The following ARID2 variants were observed in gnomAD, a reference collection of about 807,000 sequenced individuals.
The protein encoded by ARID2 is AT-rich interactive domain-containing protein 2.
Under a neutral mutation model 184.6 loss-of-function variants are expected in ARID2, and 32 were observed. The ratio of observed to expected loss-of-function variants is 0.17; its 90% confidence interval spans 0.13 to 0.23. The LOEUF is 0.23. Among genes scored for constraint, ARID2 ranks in the 10% least tolerant of loss-of-function variants. The pLI, the probability that ARID2 is intolerant of heterozygous loss-of-function variation, is 1.00. For synonymous variants in ARID2, 836 were observed against 772.6 expected, an observed-to-expected ratio of 1.08 and a Z score of -1.36; for missense variants, 1,696 against 2,197.6, an observed-to-expected ratio of 0.77 and a Z score of 4.56.
intron 3 of ARID2, among the ~76,000 whole-genome samples, chr12:45,777,182 A>G (rs1441096504): frequency 6.6e-6 from 1 of 152,046 alleles, no homozygotes; most frequent in Non-Finnish European, 1.5e-5. Flanking sequence ...AAGAGGTAGT[A>G]TGCTGAAAAC....
At chr12:45,755,194 C>T (rs1941544151) in intron 3 of ARID2, among the ~76,000 whole-genome samples, 1 of 152,120 alleles carries the variant, frequency 6.6e-6, no homozygotes, top group Non-Finnish European at 1.5e-5. Flanking sequence ...CTTTATTCTG[C>T]ATATAGTGAG....
At chr12:45,873,898 A>C (rs1045223503) in intron 16 of ARID2, 1 of 152,198 alleles carries the variant, frequency 6.6e-6, no homozygotes, top group African/African-American at 2.4e-5. Flanking sequence ...AGGTTGGGGT[A>C]GTCATGTCAA....
rs1447362117 is a variant in ARID2, at chr12:45,906,315, C to T, written c.*1237C>T. Reference sequence around the variant, plus strand: ...ACCACATTCCTGCTCAGAAACTGCTCACTTCCTTAAATTGTCTTTTTTCCC... The same window carrying T: ...ACCACATTCCTGCTCAGAAACTGCTTACTTCCTTAAATTGTCTTTTTTCCC... On this transcript the variant is annotated 3_prime_UTR_variant, in exon 21 of 21. Transcript: ENST00000334344. 2 of 233,088 alleles carry T rather than the reference C, an allele frequency of 8.6e-6. No homozygotes were observed. The highest frequency in any genetic ancestry group is 1.7e-5 in the Non-Finnish European group (2 of 117,846). The allele number at this position is 233,088 out of a possible 1,614,324, so 14.4% of individuals were successfully genotyped here.
intron 15 of ARID2, among the ~76,000 whole-genome samples, chr12:45,859,281 T>G (rs1487138363): frequency 6.6e-6 from 1 of 152,220 alleles, no homozygotes; most frequent in Non-Finnish European, 1.5e-5. Context: ...CCTATAGTAT[T>G]CGGTACAGTA....
chr12:45,737,988 A>C (rs1941163358), intron 3 of ARID2, among the ~76,000 whole-genome samples: 1 of 152,168 alleles, frequency 6.6e-6, no homozygotes, highest in Non-Finnish European at 1.5e-5. Flanking sequence ...ACTTATCCTA[A>C]GTGTGTTTAT....
At chr12:45,741,882 GA>G (rs1314146174) in intron 3 of ARID2, among the ~76,000 whole-genome samples, 3 of 152,108 alleles carry the variant, frequency 2.0e-5, no homozygotes, top group Non-Finnish European at 2.9e-5. Context: ...CAGAACTGGG[GA>G]AAAAATTATT....
rs200266987 is a variant in ARID2 at position 45,893,630 on chromosome 12, G to A, written c.5272G>A (p.Asp1758Asn). ...TTCTTTTTTTTCCTTTCTTTTTAAG[G>A]ATGAAAAAGAGGGACCAATAACTAA... ...SRNLVFRDFTDEKEGPITKHI... is the reference protein window; with the variant it reads ...SRNLVFRDFTNEKEGPITKHI... Residue 1758 changes from aspartate to asparagine, a missense_variant and splice_region_variant, in exon 20 of 21, where the codon GAT becomes AAT. Around this residue, in one of 11 missense-constraint regions of ARID2, gnomAD observed 69 missense variants for 118.2 expected, o/e 0.58. Coordinates refer to ENST00000334344, the MANE Select transcript of ARID2 (RefSeq NM_152641.4). 88 of 1,600,886 alleles carry A rather than the reference G, an allele frequency of 5.5e-5. No homozygotes were observed. The highest frequency in any genetic ancestry group is 6.9e-5 in the Non-Finnish European group (81 of 1,176,530).
chr12:45,864,904 A>G (rs1325494351), intron 16 of ARID2, among the ~76,000 whole-genome samples: 2 of 152,198 alleles, frequency 1.3e-5, no homozygotes, highest in Non-Finnish European at 2.9e-5. Flanking sequence ...AGTTTTCAAA[A>G]TAATGAGTTG....
At chr12:45,768,802 A>G (rs1393908907) in intron 3 of ARID2, among the ~76,000 whole-genome samples, 3 of 152,166 alleles carry the variant, frequency 2.0e-5, no homozygotes, top group African/African-American at 4.8e-5. Context: ...GTTTTGATTG[A>G]CCTGTGAAGC....
chr12:45,804,862 C>A (rs1942572164), intron 3 of ARID2, among the ~76,000 whole-genome samples: 1 of 152,038 alleles, frequency 6.6e-6, no homozygotes, highest in Non-Finnish European at 1.5e-5. Flanking sequence ...TTGTCACTTA[C>A]TACATACTTG....
chr12:45,752,671 C>A (rs530234213), intron 3 of ARID2, among the ~76,000 whole-genome samples: 9 of 152,304 alleles, frequency 5.9e-5, no homozygotes, highest in Admixed American at 5.2e-4. Flanking sequence ...CAGACTCATA[C>A]CACCACACCC....
At chr12:45,857,609 T>C (rs1014048958) in intron 15 of ARID2, among the ~76,000 whole-genome samples, 5 of 152,310 alleles carry the variant, frequency 3.3e-5, no homozygotes, top group Middle Eastern at 3.4e-3. Context: ...GTCTCTGATA[T>C]TATATCTTGG....
intron 3 of ARID2, among the ~76,000 whole-genome samples, chr12:45,792,721 G>A (rs1192015961): frequency 6.6e-6 from 1 of 152,040 alleles, no homozygotes; most frequent in African/African-American, 2.4e-5. Context: ...TAGGTCAAAG[G>A]TGAAATGATA....
In ARID2 at chr12:45,799,993, G is replaced by C. The variant is rs547594311; in HGVS notation, c.285-11425G>C. Among the ~76,000 whole-genome samples the C allele has an allele frequency of 1.5e-4, 23 of 152,174 alleles. No homozygotes were observed. In the South Asian group the frequency reaches 4.8e-3, roughly 32 times the overall value. On this transcript the variant is annotated intron_variant, in intron 3 of 20. Coordinates refer to ENST00000334344, the MANE Select transcript of ARID2 (RefSeq NM_152641.4). ...GCCCTCCGAGTAGCTGGGACAACAGGTGTGTGCCACCACACCTAGCCAATT... is the reference window on the plus strand; with the variant it reads ...GCCCTCCGAGTAGCTGGGACAACAGCTGTGTGCCACCACACCTAGCCAATT...
At chr12:45,795,378 G>C (rs981786164) in intron 3 of ARID2, among the ~76,000 whole-genome samples, 3 of 152,128 alleles carry the variant, frequency 2.0e-5, no homozygotes, top group African/African-American at 7.2e-5. Flanking sequence ...TATAGTATCA[G>C]TTTTTTCTTG....
intron 3 of ARID2, among the ~76,000 whole-genome samples, chr12:45,783,074 C>T (rs1942127151): frequency 1.3e-5 from 2 of 151,680 alleles, no homozygotes; most frequent in South Asian, 2.1e-4. Flanking sequence ...GCAGAGGTTG[C>T]AGTGAGCCAA....
At chr12:45,890,932 C>A (rs1944291687) in intron 16 of ARID2, among the ~76,000 whole-genome samples, 1 of 151,986 alleles carries the variant, frequency 6.6e-6, no homozygotes, top group Non-Finnish European at 1.5e-5. Flanking sequence ...TTTGGGAGGC[C>A]AAGGCGGGCA....
intron 3 of ARID2, among the ~76,000 whole-genome samples, chr12:45,810,662 A>G (rs1942689909): frequency 6.6e-6 from 1 of 152,220 alleles, no homozygotes; most frequent in African/African-American, 2.4e-5. Context: ...ATTATTAAAT[A>G]AAGATATTCT....
At chr12:45,844,492 C>G (rs1400471609) in intron 11 of ARID2, among the ~76,000 whole-genome samples, 1 of 152,172 alleles carries the variant, frequency 6.6e-6, no homozygotes, top group Non-Finnish European at 1.5e-5. Context: ...TACCCAATTT[C>G]TAATGCCCAA....
Sources: allele counts gnomAD v4.1 joint callset (sites outside exome capture counted in the v4.1 genomes callset), GRCh38; gene constraint gnomAD v4.1.1; regional missense constraint gnomAD v4.1.1; transcripts MANE v1.5; gene names NCBI Gene and HGNC (gene_info 2026-07-23, HGNC 2026-07-21).